KIAA1549L: variants seen among roughly 807,000 people sequenced by gnomAD.
The protein encoded by KIAA1549L is KIAA1549 like, also known as UPF0606 protein KIAA1549L.
Under a neutral mutation model 160.7 loss-of-function variants are expected in KIAA1549L, and 88 were observed. That is an observed-to-expected ratio of 0.55 (90% CI 0.46 to 0.65). KIAA1549L has a LOEUF of 0.65. Ranked by LOEUF, KIAA1549L falls within the 30% of genes least tolerant of loss-of-function variation. The pLI is 0.00. For missense variants in KIAA1549L, 2,258 were observed against 2,437.5 expected, an observed-to-expected ratio of 0.93 and a Z score of 1.55; for synonymous variants, 950 against 976.7, an observed-to-expected ratio of 0.97 and a Z score of 0.51.
At chr11:33,561,512 A>G (rs1001019419) in intron 7 of KIAA1549L, among the ~76,000 whole-genome samples, 164 bp from the exon 8 acceptor site, 1 of 152,222 alleles carries the variant, frequency 6.6e-6, no homozygotes, top group African/African-American at 2.4e-5. Context: ...TGCATGTTAT[A>G]GTCCAGCTAC....
rs1554976830 is a variant in KIAA1549L, at chr11:33,435,818, G to GTGTGTGTGTATATATA, written c.238+58930_238+58931insGTGTGTGTATATATAT. ...TATATATATATATATATATGTGTGTGTATATATATATATGTATATGTATAT... is the reference window on the plus strand; with the variant it reads ...TATATATATATATATATATGTGTGTGTGTGTGTGTATATATATATATATATATATGTATATGTATAT... On this transcript the variant is annotated intron_variant, in intron 1 of 20. Coordinates refer to ENST00000658780, the MANE Select transcript of KIAA1549L (RefSeq NM_012194.3). 2.9e-3 allele frequency among the ~76,000 whole-genome samples: 129 copies of GTGTGTGTGTATATATA among 45,262 alleles called. 9 individuals are homozygous for GTGTGTGTGTATATATA. Among genetic ancestry groups the GTGTGTGTGTATATATA allele is most frequent in the Middle Eastern group, 0.022 (2 of 92 alleles). The allele number at this position is 45,262 out of a possible 152,430, so 29.7% of individuals were successfully genotyped here.
intron 16 of KIAA1549L, among the ~76,000 whole-genome samples, chr11:33,626,368 A>G (rs77079339): frequency 1.4e-5 from 2 of 147,622 alleles, no homozygotes; most frequent in Non-Finnish European, 1.5e-5. Flanking sequence ...CCATTTTCAC[A>G]ATATTGATTC....
At chr11:33,455,728 A>C (rs1851808727) in intron 1 of KIAA1549L, among the ~76,000 whole-genome samples, 1 of 152,214 alleles carries the variant, frequency 6.6e-6, no homozygotes, top group Non-Finnish European at 1.5e-5. Flanking sequence ...AAATACACAG[A>C]AGATTCTAGA....
chr11:33,389,609 C>G (rs1850234629), intron 1 of KIAA1549L, among the ~76,000 whole-genome samples: 1 of 152,196 alleles, frequency 6.6e-6, no homozygotes, highest in Admixed American at 6.5e-5. Context: ...CCTACGGAAA[C>G]TGAACCTTTT....
At chr11:33,583,143 CTG>C (rs1261590109) in intron 10 of KIAA1549L, among the ~76,000 whole-genome samples, 193 bp from the exon 11 acceptor site, 2 of 152,182 alleles carry the variant, frequency 1.3e-5, no homozygotes, top group African/African-American at 4.8e-5. Flanking sequence ...GATGAGGAAA[CTG>C]AGACTCAGGG....
At chr11:33,405,018 A>G (rs1850616197) in intron 1 of KIAA1549L, among the ~76,000 whole-genome samples, 1 of 151,820 alleles carries the variant, frequency 6.6e-6, no homozygotes, top group Non-Finnish European at 1.5e-5. Flanking sequence ...AAAAAAAAAA[A>G]AAAAAAAGTT....
intron 18 of KIAA1549L, 69 bp downstream of exon 18, chr11:33,656,178 G>A: frequency 8.4e-7 from 1 of 1,195,540 alleles, no homozygotes; most frequent in Non-Finnish European, 1.2e-6. Flanking sequence ...ACCCTGACCT[G>A]ACAACAGCAC....
chr11:33,415,253 T>C (rs1780490353), intron 1 of KIAA1549L, among the ~76,000 whole-genome samples: 1 of 152,174 alleles, frequency 6.6e-6, no homozygotes, highest in South Asian at 2.1e-4. Context: ...GTGCCCACCA[T>C]GTTTTGGGCA....
At chr11:33,480,698 G>C (rs1852393298) in intron 1 of KIAA1549L, among the ~76,000 whole-genome samples, 1 of 152,180 alleles carries the variant, frequency 6.6e-6, no homozygotes, top group African/African-American at 2.4e-5. Flanking sequence ...CCCAAGTCCT[G>C]GTGGGCCATT....
At chr11:33,409,666 A>C (rs1850747239) in intron 1 of KIAA1549L, among the ~76,000 whole-genome samples, 1 of 151,986 alleles carries the variant, frequency 6.6e-6, no homozygotes, top group Non-Finnish European at 1.5e-5. Context: ...TTCTTTGGAA[A>C]ACACCCTTTT....
intron 1 of KIAA1549L, among the ~76,000 whole-genome samples, chr11:33,504,159 G>A (rs561877029): frequency 3.9e-5 from 6 of 152,198 alleles, no homozygotes; most frequent in African/African-American, 1.4e-4. Flanking sequence ...TACTCGGGAG[G>A]CTGAGGCAGG....
chr11:33,617,513 T>C (rs559721119), intron 15 of KIAA1549L, among the ~76,000 whole-genome samples: 1 of 152,324 alleles, frequency 6.6e-6, no homozygotes, highest in Admixed American at 6.5e-5. Flanking sequence ...GATCAATGTG[T>C]GACTGGCTCC....
intron 1 of KIAA1549L, among the ~76,000 whole-genome samples, chr11:33,392,592 G>A (rs1850292402): frequency 6.6e-6 from 1 of 152,250 alleles, no homozygotes; most frequent in Non-Finnish European, 1.5e-5. Flanking sequence ...ACCCCAAAAA[G>A]TAAGTTTTCT....
chr11:33,464,524 GC>G lies in KIAA1549L; in HGVS notation c.239-77269del, dbSNP rs71034692. 6.6e-4 allele frequency among the ~76,000 whole-genome samples: 97 copies of G among 146,544 alleles called. 1 individual carries two copies. The highest frequency in any genetic ancestry group is 3.5e-3 in the Middle Eastern group (1 of 288). On this transcript the variant is annotated intron_variant, in intron 1 of 20. Coordinates refer to ENST00000658780, the MANE Select transcript of KIAA1549L (RefSeq NM_012194.3). ...TGTGTGTGTGTGTGCGTGCGCGCAT[GC>G]CCCCCCCCACACACGCATTTGTACA...
intron 17 of KIAA1549L, among the ~76,000 whole-genome samples, chr11:33,650,818 A>C (rs1281655575): frequency 6.6e-6 from 1 of 152,138 alleles, no homozygotes; most frequent in East Asian, 1.9e-4. Flanking sequence ...CTTCTGGTCT[A>C]CTTCCATACC....
At chr11:33,585,163 G>A (rs186040149) in intron 11 of KIAA1549L, among the ~76,000 whole-genome samples, 2 of 152,342 alleles carry the variant, frequency 1.3e-5, no homozygotes, top group East Asian at 3.9e-4. Flanking sequence ...GACACAGCAG[G>A]ATGTTGGTAA....
intron 17 of KIAA1549L, among the ~76,000 whole-genome samples, chr11:33,652,864 C>T (rs1207632467): frequency 6.6e-6 from 1 of 152,170 alleles, no homozygotes; most frequent in Non-Finnish European, 1.5e-5. Flanking sequence ...CACCAGGGCA[C>T]CTCCTCCCCA....
chr11:33,529,125 C>T (rs1853681559), intron 1 of KIAA1549L, among the ~76,000 whole-genome samples: 1 of 152,092 alleles, frequency 6.6e-6, no homozygotes. Context: ...CACTTGAGCT[C>T]AGGAATTTGA....
chr11:33,645,483 G>A (rs569185459), intron 16 of KIAA1549L, among the ~76,000 whole-genome samples: 97 of 152,190 alleles, frequency 6.4e-4, no homozygotes, highest in Non-Finnish European at 1.1e-3. Context: ...AGTGCACACC[G>A]ATAGCCAGAG....
Sources: allele counts gnomAD v4.1 joint callset (sites outside exome capture counted in the v4.1 genomes callset), GRCh38; gene constraint gnomAD v4.1.1; transcripts MANE v1.5; gene names NCBI Gene and HGNC (gene_info 2026-07-23, HGNC 2026-07-21).